Variants in DYSF observed in about 807,000 individuals in gnomAD.
DYSF encodes dysferlin.
DYSF carries 212 observed loss-of-function variants against 274.9 expected under a neutral mutation model. That is an observed-to-expected ratio of 0.77 (90% CI 0.69 to 0.86). The LOEUF (loss-of-function observed/expected upper bound fraction) is 0.86, where lower values mean the gene tolerates loss of function less well. Ranked by LOEUF, DYSF falls within the 40% of genes least tolerant of loss-of-function variation. The pLI is 0.00. For synonymous variants in DYSF, 1,091 were observed against 1,078.7 expected (o/e 1.01, Z -0.22); for missense variants, 2,666 against 2,783.2 (o/e 0.96, Z 0.95).
intron 51 of DYSF, among the ~76,000 whole-genome samples, chr2:71,670,774 A>T (rs748904297): frequency 1.2e-4 from 19 of 152,210 alleles, no homozygotes; most frequent in Non-Finnish European, 2.8e-4. Context: ...CCCCCAGAGC[A>T]CAGAATGGGT....
intron 8 of DYSF, among the ~76,000 whole-genome samples, 185 bp from the exon 9 acceptor site, chr2:71,515,995 C>A (rs112055836): frequency 5.3e-4 from 80 of 152,296 alleles, no homozygotes; most frequent in African/African-American, 1.9e-3. Context: ...CCTGAAATGA[C>A]CACGTCTGTG....
intron 1 of DYSF, among the ~76,000 whole-genome samples, chr2:71,467,616 C>G (rs1558928242): frequency 6.6e-6 from 1 of 152,186 alleles, no homozygotes; most frequent in Non-Finnish European, 1.5e-5. Context: ...CCCCCAACCC[C>G]TCCAAGGCAG....
At chr2:71,552,960 G>A (rs770915254) in intron 19 of DYSF, 51 bp from the exon 20 acceptor site, 14 of 1,602,574 alleles carry the variant, frequency 8.7e-6, no homozygotes, top group Admixed American at 1.7e-5. Context: ...CCCAGCCTGG[G>A]TGCCTTTCTT....
intron 14 of DYSF, 132 bp from the exon 15 acceptor site, chr2:71,534,889 C>A: frequency 1.1e-6 from 1 of 894,806 alleles, no homozygotes; most frequent in Admixed American, 1.9e-5. Context: ...TAGGCCCCAA[C>A]CCCAGGGTCT....
intron 41 of DYSF, among the ~76,000 whole-genome samples, chr2:71,627,846 C>A (rs1192368614): frequency 2.0e-5 from 3 of 152,012 alleles, no homozygotes; most frequent in Admixed American, 6.6e-5. Flanking sequence ...CTTTTAAAAT[C>A]TCTGCTAATG....
chr2:71,513,100 C>G (rs1340380733), intron 5 of DYSF, 140 bp from the exon 6 acceptor site: 4 of 796,496 alleles, frequency 5.0e-6, no homozygotes, highest in Non-Finnish European at 8.6e-6. Context: ...TGCCACTGGG[C>G]TCCACAGCTA....
At chr2:71,630,149 T>C (rs141746113) in intron 41 of DYSF, among the ~76,000 whole-genome samples, 18 of 152,304 alleles carry the variant, frequency 1.2e-4, no homozygotes, top group African/African-American at 3.9e-4. Context: ...ATTCTTTCCA[T>C]AAATTCATGG....
At chr2:71,549,250 C>T in intron 17 of DYSF, 1 of 1,181,292 alleles carries the variant, frequency 8.5e-7, no homozygotes, top group Non-Finnish European at 1.2e-6. Context: ...GTCTTTCCAT[C>T]TGTCTGCCTG....
intron 41 of DYSF, among the ~76,000 whole-genome samples, chr2:71,637,224 T>C (rs72829447): frequency 2.0e-3 from 310 of 152,184 alleles, no homozygotes; most frequent in Non-Finnish European, 3.8e-3. Context: ...AGGGGAGGGA[T>C]GTTGGTGACA....
chr2:71,656,405 C>T (rs1420720823), intron 43 of DYSF, 115 bp downstream of exon 43: 1 of 1,457,064 alleles, frequency 6.9e-7, no homozygotes, highest in African/African-American at 1.4e-5. Context: ...ATGTTGGTGA[C>T]CACATGGGTA....
chr2:71,587,079 C>T (rs796808907), intron 30 of DYSF, among the ~76,000 whole-genome samples: 27 of 152,364 alleles, frequency 1.8e-4, no homozygotes, highest in African/African-American at 6.5e-4. Flanking sequence ...CCTTAGTGTC[C>T]CTGCCTCCCA....
At chr2:71,485,190 C>A (rs186242304) in intron 3 of DYSF, among the ~76,000 whole-genome samples, 1 of 152,180 alleles carries the variant, frequency 6.6e-6, no homozygotes, top group Admixed American at 6.5e-5. Flanking sequence ...GAAATGTGCA[C>A]GTACATTCAT....
chr2:71,513,774 A>G lies in DYSF; in HGVS notation c.612A>G (p.Pro204=), dbSNP rs2086352092. The change falls in exon 7 of 56, where the codon CCA becomes CCG. Residue 204 remains proline, a synonymous_variant. Coordinates refer to ENST00000410020, the MANE Select transcript of DYSF (RefSeq NM_001130987.2). ...GACTCACTGGAGATGAGGCGGAGCC[A>G]TTCCTGGATCAAAGCGGAGGCCCGG... is the stretch of plus-strand genomic sequence containing the variant. ...DQGLTGDEAE[P]FLDQSGGPGA... is the part of the protein sequence containing the mutation. The G allele has an allele frequency of 6.2e-7, 1 of 1,614,082 alleles. No homozygotes were observed. Among genetic ancestry groups the G allele is most frequent in the African/African-American group, 1.3e-5 (1 of 74,936 alleles).
At chr2:71,509,431 G>C (rs971360418) in intron 4 of DYSF, among the ~76,000 whole-genome samples, 3 of 152,142 alleles carry the variant, frequency 2.0e-5, no homozygotes, top group African/African-American at 4.8e-5. Flanking sequence ...CAAAGTGCTG[G>C]GATTATAGTT....
intron 13 of DYSF, among the ~76,000 whole-genome samples, chr2:71,526,871 GC>G (rs1309110393): frequency 2.6e-5 from 4 of 152,254 alleles, no homozygotes; most frequent in African/African-American, 9.6e-5. Context: ...CACTGAAAGT[GC>G]CTGTTCCAGG....
intron 17 of DYSF, 109 bp from the exon 18 acceptor site, chr2:71,550,932 G>A (rs1457919226): frequency 3.4e-6 from 3 of 872,666 alleles, no homozygotes; most frequent in African/African-American, 1.6e-5. Flanking sequence ...TCTGGTGCAT[G>A]TGGGGGGGAA....
chr2:71,513,044 A>G (rs1166322504), intron 5 of DYSF, among the ~76,000 whole-genome samples, 196 bp from the exon 6 acceptor site: 1 of 151,860 alleles, frequency 6.6e-6, no homozygotes, highest in Non-Finnish European at 1.5e-5. Flanking sequence ...CAGGCCAATC[A>G]GTGGAGGCTT....
At chr2:71,541,278 T>C (rs2089903698) in intron 17 of DYSF, among the ~76,000 whole-genome samples, 1 of 152,232 alleles carries the variant, frequency 6.6e-6, no homozygotes, top group South Asian at 2.1e-4. Context: ...TGAGTGGGTA[T>C]AGTAATAGCT....
intron 25 of DYSF, 40 bp downstream of exon 25, chr2:71,568,122 T>C (rs776492433): frequency 6.2e-7 from 1 of 1,614,076 alleles, no homozygotes; most frequent in African/African-American, 1.3e-5. Context: ...TCCCACTACC[T>C]GGAGCTGCCT....
Sources: gnomAD v4.1 joint callset for allele counts (sites outside exome capture counted in the v4.1 genomes callset) on GRCh38, gnomAD v4.1.1 for gene constraint, MANE v1.5 for transcripts, NCBI Gene and HGNC (gene_info 2026-07-23, HGNC 2026-07-21) for gene names.